Variants in SAMD3 observed in about 807,000 individuals in gnomAD.
SAMD3 encodes sterile alpha motif domain containing 3, also known as sterile alpha motif domain-containing protein 3.
A neutral mutation model predicts 58.5 loss-of-function variants in SAMD3; 63 were observed. That is an observed-to-expected ratio of 1.08 (90% CI 0.88 to 1.33). SAMD3 has a LOEUF of 1.33. Ranked by LOEUF, SAMD3 falls within the 40% of genes most tolerant of loss-of-function variation. SAMD3 has a pLI of 0.00. For synonymous variants in SAMD3, 220 were observed against 210.3 expected (o/e 1.05, Z -0.40); for missense variants, 604 against 608.4 (o/e 0.99, Z 0.08).
At chr6:130,180,953 C>CTTTCCTTTTT (rs56707260) in intron 7 of SAMD3, among the ~76,000 whole-genome samples, 1 of 117,362 alleles carries the variant, frequency 8.5e-6, no homozygotes. Context: ...TTCTTTCTTT[C>CTTTCCTTTTT]TTTTTTCTTT....
intron 1 of SAMD3, among the ~76,000 whole-genome samples, chr6:130,334,229 G>A (rs989584125): frequency 1.3e-5 from 2 of 152,134 alleles, no homozygotes; most frequent in African/African-American, 4.8e-5. Context: ...TGAAATTGGT[G>A]GTGGGAAGAG....
intron 5 of SAMD3, 32 bp downstream of exon 5, chr6:130,209,463 G>A: frequency 8.8e-7 from 1 of 1,133,654 alleles, no homozygotes; most frequent in Non-Finnish European, 1.3e-6. Context: ...ATGTTATTTG[G>A]CTTTAAACTG....
intron 2 of SAMD3, among the ~76,000 whole-genome samples, chr6:130,230,215 C>T (rs575063923): frequency 9.9e-5 from 15 of 152,056 alleles, no homozygotes; most frequent in Non-Finnish European, 1.9e-4. Context: ...CTCTTTGCAC[C>T]TCGAGGGTTT....
Position 130,209,622 on chromosome 6 carries a change from G to A in SAMD3, c.270-14C>T. On this transcript the variant is annotated splice_polypyrimidine_tract_variant and intron_variant, in intron 4 of 11. Transcript: ENST00000439090. ...TCATCCCTGTAACTAAGAAAGAAGA[G>A]GTGGGTCAGGCACTATTCAAGAGGT... 6.5e-7 allele frequency: 1 copy of A among 1,536,594 alleles called. No individual in the cohort carries two copies. The highest frequency in any genetic ancestry group is 1.1e-5 in the South Asian group (1 of 89,460).
chr6:130,158,373 A>G (rs1161161976), intron 8 of SAMD3, among the ~76,000 whole-genome samples: 1 of 152,174 alleles, frequency 6.6e-6, no homozygotes, highest in Non-Finnish European at 1.5e-5. Context: ...CTAGCGGAAA[A>G]CAGCAGAGCT....
chr6:130,318,762 AC>A (rs1309776895), intron 1 of SAMD3, among the ~76,000 whole-genome samples: 20 of 152,202 alleles, frequency 1.3e-4, no homozygotes, highest in Admixed American at 6.5e-4. Context: ...ATGGAAAGAC[AC>A]AGGAAAACAG....
chr6:130,351,124 G>T (rs185235285), intron 1 of SAMD3, among the ~76,000 whole-genome samples: 12 of 151,988 alleles, frequency 7.9e-5, no homozygotes, highest in Non-Finnish European at 1.5e-4. Flanking sequence ...ATAAAAACCC[G>T]AGAAGAAAAC....
chr6:130,316,007 G>T (rs1408615786), intron 1 of SAMD3, among the ~76,000 whole-genome samples: 1 of 152,062 alleles, frequency 6.6e-6, no homozygotes, highest in Non-Finnish European at 1.5e-5. Context: ...TGGGATATTA[G>T]GGGCCGGGCG....
At chr6:130,360,782 C>G (rs187676937) in intron 1 of SAMD3, among the ~76,000 whole-genome samples, 9 of 152,106 alleles carry the variant, frequency 5.9e-5, no homozygotes, top group Non-Finnish European at 1.2e-4. Flanking sequence ...CCTACAGTTT[C>G]GACCATAGAA....
chr6:130,249,533 T>G (rs1257002494), intron 2 of SAMD3, among the ~76,000 whole-genome samples: 1 of 152,154 alleles, frequency 6.6e-6, no homozygotes, highest in Non-Finnish European at 1.5e-5. Flanking sequence ...TATCAACATC[T>G]GCATCCCACG....
At chr6:130,259,008 G>A (rs1409329169) in intron 2 of SAMD3, among the ~76,000 whole-genome samples, 2 of 152,114 alleles carry the variant, frequency 1.3e-5, no homozygotes, top group African/African-American at 2.4e-5. Context: ...AAGATATGAA[G>A]TAAGTTAGAA....
chr6:130,344,039 G>A (rs1315461464), intron 1 of SAMD3, among the ~76,000 whole-genome samples: 6 of 151,882 alleles, frequency 4.0e-5, no homozygotes, highest in Admixed American at 3.9e-4. Flanking sequence ...TGGCCCACTG[G>A]GCACACAAGG....
chr6:130,259,511 T>C (rs1010197135), intron 2 of SAMD3, among the ~76,000 whole-genome samples: 1 of 152,124 alleles, frequency 6.6e-6, no homozygotes, highest in Non-Finnish European at 1.5e-5. Context: ...TTAGGCCCCA[T>C]CTTCAACATT....
intron 2 of SAMD3, among the ~76,000 whole-genome samples, chr6:130,290,136 C>G (rs1775315941): frequency 2.0e-5 from 3 of 151,074 alleles, no homozygotes; most frequent in Admixed American, 6.7e-5. Flanking sequence ...TCAGGGTTCT[C>G]CACAGAAGCA....
rs558434818 is a variant in SAMD3 at position 130,211,011 on chromosome 6, T to C, written c.270-1403A>G. Among the ~76,000 whole-genome samples the C allele has an allele frequency of 2.0e-5, 3 of 151,960 alleles. No homozygotes were observed. In the East Asian group the frequency reaches 5.9e-4, roughly 30 times the overall value. On this transcript the variant is annotated intron_variant, in intron 4 of 11. Coordinates refer to ENST00000439090, the MANE Select transcript of SAMD3 (RefSeq NM_001017373.4). ...GGCATGTGCCTATAGTCCCAGCTAC[T>C]CAGGAGGCTGAGGCAGGAGAATTGC...
chr6:130,246,896 G>T (rs930348935), intron 2 of SAMD3, among the ~76,000 whole-genome samples: 2 of 151,776 alleles, frequency 1.3e-5, no homozygotes, highest in Admixed American at 1.3e-4. Flanking sequence ...CAATTGAAAA[G>T]GTAAATGTGA....
At chr6:130,310,965 G>A (rs144986009) in intron 2 of SAMD3, among the ~76,000 whole-genome samples, 12 of 152,106 alleles carry the variant, frequency 7.9e-5, no homozygotes, top group Non-Finnish European at 1.6e-4. Context: ...ATTAAGCAGG[G>A]AGAGTGTATC....
At chr6:130,180,409 A>G (rs1792197477) in intron 7 of SAMD3, among the ~76,000 whole-genome samples, 1 of 147,418 alleles carries the variant, frequency 6.8e-6, no homozygotes, top group Non-Finnish European at 1.5e-5. Flanking sequence ...TGCTGAGATT[A>G]TAGGCGTGAA....
chr6:130,185,941 T>A (rs1020382431), intron 5 of SAMD3, among the ~76,000 whole-genome samples: 2 of 152,172 alleles, frequency 1.3e-5, no homozygotes. Flanking sequence ...TCTTGTTCAC[T>A]TTAAATGGGT....
Sources: gnomAD v4.1 joint callset for allele counts (sites outside exome capture counted in the v4.1 genomes callset) on GRCh38, gnomAD v4.1.1 for gene constraint, MANE v1.5 for transcripts, NCBI Gene and HGNC (gene_info 2026-07-23, HGNC 2026-07-21) for gene names.